Variants in ITGAL observed in about 807,000 individuals in gnomAD.
ITGAL encodes integrin subunit alpha L.
Under a neutral mutation model 138.4 loss-of-function variants are expected in ITGAL, and 68 were observed. The observed-to-expected ratio is 0.49, with a 90% CI of 0.40 to 0.60. ITGAL has a LOEUF of 0.60. Ranked by LOEUF, ITGAL falls within the 20% of genes least tolerant of loss-of-function variation. The probability of loss-of-function intolerance (pLI) is 0.00; values close to 1 mark genes in which losing one functional copy is unlikely to be tolerated. For missense variants in ITGAL, 1,256 were observed against 1,478.6 expected, an observed-to-expected ratio of 0.85 and a Z score of 2.47; for synonymous variants, 561 against 584.3, an observed-to-expected ratio of 0.96 and a Z score of 0.57.
chr16:30,521,655 G>A lies in ITGAL; in HGVS notation c.3503G>A (p.Gly1168Asp), dbSNP rs769259547. 1.2e-6 allele frequency: 2 copies of A among 1,613,756 alleles called. No individual in the cohort carries two copies. Among genetic ancestry groups the A allele is most frequent in the East Asian group, 4.5e-5 (2 of 44,882 alleles). The change falls in exon 31 of 31, where the codon GGC (glycine) becomes GAC (aspartate). Residue 1168 changes from glycine (G) to aspartate (D), a missense_variant. Coordinates refer to ENST00000356798, the MANE Select transcript of ITGAL (RefSeq NM_002209.3). ...LHEKDSESGG[G>D]KD ...GAGAAGGACTCTGAGAGTGGTGGTG[G>A]CAAGGACTGAGTCCAGGCCTGTGAG...
At chr16:30,491,911 A>G (rs1263218155) in intron 11 of ITGAL, among the ~76,000 whole-genome samples, 1 of 152,186 alleles carries the variant, frequency 6.6e-6, no homozygotes, top group African/African-American at 2.4e-5. Flanking sequence ...CATGGAGTTC[A>G]AGAATTTGGA....
intron 21 of ITGAL, among the ~76,000 whole-genome samples, chr16:30,508,861 GAAAAACA>G (rs555024467): frequency 8.6e-5 from 13 of 150,900 alleles, no homozygotes; most frequent in African/African-American, 2.4e-4. Context: ...CTTGTCTCAG[GAAAAACA>G]AAAAACAAAA....
In ITGAL at chr16:30,511,123, A is replaced by T. The variant is rs751488298; in HGVS notation, c.2773A>T (p.Ile925Phe). 1 of 1,613,022 alleles carries T rather than the reference A, an allele frequency of 6.2e-7. No homozygotes were observed. The highest frequency in any genetic ancestry group is 2.2e-5 in the East Asian group (1 of 44,844). ...TIIPILYPIN[I>F]LIQDQEDSTL... ...CATCCCCATCCTGTACCCCATCAAC[A>T]TCCTCATCCAGGAGTAAGTTCTTCC... is the stretch of plus-strand genomic sequence containing the variant. The change falls in exon 24 of 31, where the codon ATC (isoleucine) becomes TTC (phenylalanine). Residue 925 changes from isoleucine to phenylalanine, a missense_variant. By Grantham distance (21) the Ile-to-Phe change is conservative (BLOSUM62 0). This residue lies in a region of ITGAL where 867 missense variants were observed against 972.5 expected (regional missense o/e 0.89). Transcript: ENST00000356798.
chr16:30,510,924 G>T lies in ITGAL; in HGVS notation c.2663G>T (p.Trp888Leu), dbSNP rs746473207. The T allele has an allele frequency of 2.5e-6, 4 of 1,614,022 alleles. No homozygotes were observed. Among genetic ancestry groups the T allele is most frequent in the Non-Finnish European group, 3.4e-6 (4 of 1,179,966 alleles). ...TTTAATACACTGGTAAACAGCTCCT[G>T]GGGGGACTCGGTTGAATTGCACGCC... ...MMFNTLVNSS[W>L]GDSVELHANV... The change falls in exon 23 of 31, where the codon TGG becomes TTG. Residue 888 changes from tryptophan to leucine, a missense_variant. Around this residue, in one of 3 missense-constraint regions of ITGAL, gnomAD observed 867 missense variants for 972.5 expected, o/e 0.89. Transcript: ENST00000356798.
chr16:30,504,172 C>A lies in ITGAL; in HGVS notation c.2146-3C>A, dbSNP rs2050948289. 1 of 1,607,550 alleles carries A rather than the reference C, an allele frequency of 6.2e-7. No individual in the cohort carries two copies. Among genetic ancestry groups the A allele is most frequent in the Admixed American group, 1.7e-5 (1 of 59,964 alleles). On this transcript the variant is annotated splice_polypyrimidine_tract_variant and splice_region_variant and intron_variant, in intron 17 of 30. Coordinates refer to ENST00000356798, the MANE Select transcript of ITGAL (RefSeq NM_002209.3). Reference sequence around the variant, plus strand: ...ACATAGGCTGTATTCTTATCACCCTCAGGTATGTGTTCAAGACCTCATCTC... The same window carrying A: ...ACATAGGCTGTATTCTTATCACCCTAAGGTATGTGTTCAAGACCTCATCTC...
chr16:30,472,900 T>TAGGCAAGGGAGG lies in ITGAL; in HGVS notation c.61+8_61+19dup, dbSNP rs765225584. On this transcript the variant is annotated splice_region_variant and intron_variant, in intron 1 of 30. Transcript: ENST00000356798. ...TGCTGTCTGGGTTCTTTTTCTTCGG[T>TAGGCAAGGGAGG]AGGCAAGGGAGGAGGCAGGGGAAGG... 1.2e-6 allele frequency: 2 copies of TAGGCAAGGGAGG among 1,612,506 alleles called. No individual in the cohort carries two copies. Among genetic ancestry groups the TAGGCAAGGGAGG allele is most frequent in the South Asian group, 2.2e-5 (2 of 90,542 alleles).
At chr16:30,477,102 A>T (rs551705990) in intron 4 of ITGAL, 1 of 152,348 alleles carries the variant, frequency 6.6e-6, no homozygotes, top group African/African-American at 2.4e-5. Flanking sequence ...TCCCAAGTTC[A>T]TTGCTCTCTC....
intron 4 of ITGAL, among the ~76,000 whole-genome samples, chr16:30,476,633 CTT>C (rs36005241): frequency 1.2e-4 from 16 of 137,356 alleles, no homozygotes; most frequent in Non-Finnish European, 1.3e-4. Flanking sequence ...GGAAACACTG[CTT>C]TTTTTTTTTT....
In ITGAL at chr16:30,510,973, C is replaced by G. The variant is rs201400365; in HGVS notation, c.2699+13C>G. On this transcript the variant is annotated intron_variant, in intron 23 of 30. Coordinates refer to ENST00000356798, the MANE Select transcript of ITGAL (RefSeq NM_002209.3). ...CCAATGTGACCTGGTGAGCAGGCCC[C>G]GCCCACATCCCTGCCATGGTCTCAG... is the stretch of plus-strand genomic sequence containing the variant. 32 of 1,613,594 alleles carry G rather than the reference C, an allele frequency of 2.0e-5. No homozygotes were observed. Among genetic ancestry groups the G allele is most frequent in the African/African-American group, 2.7e-5 (2 of 74,846 alleles).
rs191996883 is a variant in ITGAL, at chr16:30,495,991, T to C, written c.1504-106T>C. On this transcript the variant is annotated intron_variant, in intron 13 of 30. Coordinates refer to ENST00000356798, the MANE Select transcript of ITGAL (RefSeq NM_002209.3). ...GGTTAGTCTAACAGCACCATTCCAA[T>C]TCTGTGAGGGACCCCATCTTACGTT... 3.2e-6 allele frequency: 3 copies of C among 928,038 alleles called. No homozygotes were observed. In the East Asian group the frequency reaches 7.2e-5, roughly 22 times the overall value. 57.5% of individuals were successfully genotyped at this position (928,038 alleles called of 1,614,324 possible).
intron 17 of ITGAL, among the ~76,000 whole-genome samples, chr16:30,501,857 C>T (rs2050904173): frequency 6.6e-6 from 1 of 151,458 alleles, no homozygotes; most frequent in African/African-American, 2.4e-5. Context: ...ATAGCGAGAC[C>T]CCTTCTCTAC....
chr16:30,511,178 G>T lies in ITGAL; in HGVS notation c.2786+42G>T, dbSNP rs201846724. 9.0e-5 allele frequency: 134 copies of T among 1,491,042 alleles called. No individual in the cohort carries two copies. The South Asian group carries it at 9.8e-4, about 11-fold the overall frequency. 92.4% of individuals were successfully genotyped at this position (1,491,042 alleles called of 1,614,324 possible). A position where few individuals can be genotyped will look rare whatever the true frequency, so the allele number is the denominator to read the frequency against. On this transcript the variant is annotated intron_variant, in intron 24 of 30. Coordinates refer to ENST00000356798, the MANE Select transcript of ITGAL (RefSeq NM_002209.3). ...AGACAGCCAACCCTCTCCTCCCACC[G>T]CAGCCTCCCAACCCAGGGCCCCGAC...
chr16:30,489,805 G>A (rs376394719), intron 11 of ITGAL, among the ~76,000 whole-genome samples: 2 of 152,062 alleles, frequency 1.3e-5, no homozygotes, highest in African/African-American at 2.4e-5. Context: ...GCATGGTGGC[G>A]CATGCCTGTA....
intron 17 of ITGAL, among the ~76,000 whole-genome samples, chr16:30,500,669 C>G (rs1442896679): frequency 6.6e-6 from 1 of 152,092 alleles, no homozygotes; most frequent in South Asian, 2.1e-4. Flanking sequence ...CCCACCTCAG[C>G]CTCCCGAGTA....
In ITGAL at chr16:30,499,202, T is replaced by G; in HGVS notation, c.1961T>G (p.Phe654Cys). ...MKEGVNITIC[F>C]QIKSLIPQFQ... is the part of the protein sequence containing the mutation. ...GAAGGAGTTAATATCACAATCTGTT[T>G]CCAGATCAAGTCTCTCATCCCCCAG... Residue 654 changes from phenylalanine (F) to cysteine (C), a missense_variant, in exon 16 of 31, where the codon TTC (phenylalanine) becomes TGC (cysteine). By Grantham distance (205) the Phe-to-Cys change is radical. Around this residue, in one of 3 missense-constraint regions of ITGAL, gnomAD observed 867 missense variants for 972.5 expected, o/e 0.89. Coordinates refer to ENST00000356798, the MANE Select transcript of ITGAL (RefSeq NM_002209.3). 7 of 1,614,202 alleles carry G rather than the reference T, an allele frequency of 4.3e-6. No homozygotes were observed. The highest frequency in any genetic ancestry group is 5.9e-6 in the Non-Finnish European group (7 of 1,180,046).
intron 10 of ITGAL, 48 bp downstream of exon 10, chr16:30,489,203 TGG>T: frequency 6.2e-7 from 1 of 1,613,756 alleles, no homozygotes; most frequent in Non-Finnish European, 8.5e-7. Context: ...CAGTTGGCTC[TGG>T]GGGGTGGGTC....
intron 15 of ITGAL, among the ~76,000 whole-genome samples, chr16:30,497,760 G>A (rs1221731235): frequency 6.6e-6 from 1 of 151,388 alleles, no homozygotes; most frequent in South Asian, 2.1e-4. Context: ...ATTACAGAGT[G>A]AGCCACCGTG....
In ITGAL at chr16:30,509,378, G is replaced by A. The variant is rs1401253175; in HGVS notation, c.2509-983G>A. 6 of 152,222 alleles carry A rather than the reference G, an allele frequency of 3.9e-5. No individual in the cohort carries two copies. The East Asian group carries it at 7.7e-4, about 20-fold the overall frequency. The allele number at this position is 152,222 out of a possible 1,614,324, so 9.4% of individuals were successfully genotyped here. Reference sequence around the variant, plus strand: ...TCCTTTACAAAATTGGGATGAAGATGAATGGTTTAATAATGCTTAGCCCAG... The same window carrying A: ...TCCTTTACAAAATTGGGATGAAGATAAATGGTTTAATAATGCTTAGCCCAG... On this transcript the variant is annotated intron_variant, in intron 21 of 30. Transcript: ENST00000356798.
At chr16:30,513,343 G>C (rs887986979) in intron 24 of ITGAL, among the ~76,000 whole-genome samples, 2 of 152,208 alleles carry the variant, frequency 1.3e-5, no homozygotes, top group African/African-American at 4.8e-5. Flanking sequence ...CTCGCAGTAG[G>C]GGGCCGTTGG....
Sources: gnomAD v4.1 joint callset for allele counts (sites outside exome capture counted in the v4.1 genomes callset) on GRCh38, gnomAD v4.1.1 for gene constraint, gnomAD v4.1.1 regional missense constraint, MANE v1.5 for transcripts, NCBI Gene and HGNC (gene_info 2026-07-23, HGNC 2026-07-21) for gene names.